SLC4A4: variants seen among roughly 807,000 people sequenced by gnomAD.
The protein encoded by SLC4A4 is solute carrier family 4 member 4.
In SLC4A4, 27 loss-of-function variants were observed where a neutral mutation model predicts 111.5. The ratio of observed to expected loss-of-function variants is 0.24; its 90% CI spans 0.18 to 0.33. The LOEUF is 0.33. Among genes scored for constraint, SLC4A4 ranks in the 10% least tolerant of loss-of-function variants. The probability of loss-of-function intolerance (pLI) is 1.00; values close to 1 mark genes in which losing one functional copy is unlikely to be tolerated. For synonymous variants in SLC4A4, 443 were observed against 463.4 expected, an observed-to-expected ratio of 0.96 and a Z score of 0.57; for missense variants, 909 against 1,315.5, an observed-to-expected ratio of 0.69 and a Z score of 4.78.
intron 1 of SLC4A4, among the ~76,000 whole-genome samples, chr4:71,200,720 T>C (rs1746209935): frequency 6.6e-6 from 1 of 151,940 alleles, no homozygotes; most frequent in South Asian, 2.1e-4. Context: ...GACGGGTTGA[T>C]GGGTGCAGCA....
At chr4:71,543,271 C>G (rs1735226268) in intron 18 of SLC4A4, among the ~76,000 whole-genome samples, 1 of 152,016 alleles carries the variant, frequency 6.6e-6, no homozygotes, top group Non-Finnish European at 1.5e-5. Flanking sequence ...TGAAATAATC[C>G]TGTGTGGCTG....
chr4:71,101,257 TCAAAAAAA>T (rs1464608942), intron 2 of SLC4A4, among the ~76,000 whole-genome samples: 2 of 151,876 alleles, frequency 1.3e-5, no homozygotes, highest in Admixed American at 6.6e-5. Flanking sequence ...AGACTCCGTC[TCAAAAAAA>T]CAAAAAAACA....
rs564728645 is a variant in SLC4A4 at position 71,466,786 on chromosome 4, A to T, written c.1631+209A>T. Among the ~76,000 whole-genome samples the T allele has an allele frequency of 2.0e-5, 3 of 152,076 alleles. No individual in the cohort carries two copies. In the South Asian group the frequency reaches 6.2e-4, roughly 31 times the overall value. On this transcript the variant is annotated intron_variant, in intron 13 of 25. Coordinates refer to ENST00000264485, the MANE Select transcript of SLC4A4 (RefSeq NM_001098484.3). Reference sequence around the variant, plus strand: ...CGACTGAGGCTCTTATGTTGTGTGTATCCTTGCTCCCTTCCCACTTACTCT... The same window carrying T: ...CGACTGAGGCTCTTATGTTGTGTGTTTCCTTGCTCCCTTCCCACTTACTCT...
chr4:71,293,140 C>T (rs1187273537), intron 3 of SLC4A4, among the ~76,000 whole-genome samples: 2 of 151,494 alleles, frequency 1.3e-5, no homozygotes, highest in Admixed American at 1.3e-4. Flanking sequence ...CGCACCCGGC[C>T]TCAATTTTGT....
Position 71,571,621 on chromosome 4 carries a change from C to T in SLC4A4, c.*3870C>T, listed in dbSNP as rs1560636066. The T allele has an allele frequency of 6.6e-6, 1 of 152,272 alleles. No individual in the cohort carries two copies. The highest frequency in any genetic ancestry group is 1.5e-5 in the Non-Finnish European group (1 of 67,876). 9.4% of individuals were successfully genotyped at this position (152,272 alleles called of 1,614,324 possible). A position where few individuals can be genotyped will look rare whatever the true frequency, so the allele number is the denominator to read the frequency against. ...TCTGTTTCCTAGGCAAACATTGCAA[C>T]TCAGGGCTAAAGTCATCCAGTGAAA... On this transcript the variant is annotated 3_prime_UTR_variant, in exon 26 of 26. Transcript: ENST00000264485.
intron 1 of SLC4A4, among the ~76,000 whole-genome samples, chr4:71,065,331 C>T (rs952306947): frequency 1.4e-5 from 2 of 144,474 alleles, no homozygotes; most frequent in Admixed American, 6.9e-5. Context: ...TTTTGCCCAT[C>T]GTCATCCAGT....
chr4:71,548,706 A>G (rs1735747770), intron 20 of SLC4A4, among the ~76,000 whole-genome samples: 2 of 151,918 alleles, frequency 1.3e-5, no homozygotes, highest in African/African-American at 4.8e-5. Flanking sequence ...AAATGCTCAT[A>G]TAATTACATA....
At chr4:71,161,467 T>G (rs1173147727) in intron 2 of SLC4A4, among the ~76,000 whole-genome samples, 2 of 152,168 alleles carry the variant, frequency 1.3e-5, no homozygotes, top group Non-Finnish European at 1.5e-5. Context: ...TCACTAGACT[T>G]CCATAGGGCA....
chr4:71,448,820 C>T (rs543001239), intron 9 of SLC4A4, among the ~76,000 whole-genome samples: 6 of 152,082 alleles, frequency 3.9e-5, no homozygotes, highest in African/African-American at 1.4e-4. Context: ...AAAGGGGTAC[C>T]TTTCTCCTTA....
At chr4:71,414,588 AT>A (rs760234197) in intron 7 of SLC4A4, among the ~76,000 whole-genome samples, 3 of 152,204 alleles carry the variant, frequency 2.0e-5, no homozygotes, top group Admixed American at 6.5e-5. Flanking sequence ...AGAGAAGTCT[AT>A]GTTTTTTATT....
Position 71,386,584 on chromosome 4 carries a change from C to CT in SLC4A4, c.731-10989dup, listed in dbSNP as rs1449367378. On this transcript the variant is annotated intron_variant, in intron 6 of 25. Coordinates refer to ENST00000264485, the MANE Select transcript of SLC4A4 (RefSeq NM_001098484.3). ...TCTAACAGTTTTATTGAGGTTTTTT[C>CT]TTTTCTTTTTTTTGGCTGTATGTAT... Among the ~76,000 whole-genome samples, 7 of 151,558 alleles carry CT rather than the reference C, an allele frequency of 4.6e-5. No individual in the cohort carries two copies. In the South Asian group the frequency reaches 1.5e-3, roughly 32 times the overall value.
At chr4:71,336,128 A>G (rs1034371513) in intron 3 of SLC4A4, among the ~76,000 whole-genome samples, 3 of 152,238 alleles carry the variant, frequency 2.0e-5, no homozygotes, top group Non-Finnish European at 2.9e-5. Flanking sequence ...GCTGAATGGA[A>G]TACATGAGTG....
At chr4:71,190,421 CACACACACAG>C (rs975469191) in intron 1 of SLC4A4, among the ~76,000 whole-genome samples, 22 of 149,126 alleles carry the variant, frequency 1.5e-4, no homozygotes, top group South Asian at 6.3e-4. Flanking sequence ...CACACACACA[CACACACACAG>C]ACACAACTCA....
At chr4:71,211,847 C>T (rs1460878633) in intron 1 of SLC4A4, among the ~76,000 whole-genome samples, 1 of 150,186 alleles carries the variant, frequency 6.7e-6, no homozygotes, top group East Asian at 1.9e-4. Context: ...ATGGTGATGA[C>T]TGTCAGGCCT....
intron 7 of SLC4A4, among the ~76,000 whole-genome samples, chr4:71,411,303 G>C (rs988672773): frequency 5.3e-5 from 8 of 152,090 alleles, no homozygotes; most frequent in African/African-American, 1.7e-4. Flanking sequence ...CCAGGCAACT[G>C]GTGTTCGCCC....
intron 13 of SLC4A4, among the ~76,000 whole-genome samples, chr4:71,466,789 C>T (rs1727360358): frequency 6.6e-6 from 1 of 151,954 alleles, no homozygotes; most frequent in Non-Finnish European, 1.5e-5. Flanking sequence ...TGTGTGTATC[C>T]TTGCTCCCTT....
intron 1 of SLC4A4, among the ~76,000 whole-genome samples, chr4:71,090,324 C>T (rs903503387): frequency 6.6e-6 from 1 of 152,122 alleles, no homozygotes; most frequent in Non-Finnish European, 1.5e-5. Flanking sequence ...AAAGGGAATT[C>T]CCTGACCCCT....
intron 4 of SLC4A4, among the ~76,000 whole-genome samples, chr4:71,339,923 A>G (rs1236528809): frequency 1.3e-5 from 2 of 152,050 alleles, no homozygotes; most frequent in Non-Finnish European, 2.9e-5. Context: ...TTCCCTGTCA[A>G]GAGGTGGGTT....
chr4:71,093,505 A>G (rs1484586425), intron 2 of SLC4A4, among the ~76,000 whole-genome samples: 1 of 152,204 alleles, frequency 6.6e-6, no homozygotes. Flanking sequence ...TAAGAAAAAA[A>G]GATTTAAATC....
Sources: allele counts gnomAD v4.1 joint callset (sites outside exome capture counted in the v4.1 genomes callset), GRCh38; gene constraint gnomAD v4.1.1; transcripts MANE v1.5; gene names NCBI Gene and HGNC (gene_info 2026-07-23, HGNC 2026-07-21).